Variants in AEBP2 observed in about 807,000 individuals in gnomAD.
AEBP2 encodes the protein zinc finger protein AEBP2.
In AEBP2, 10 loss-of-function variants were observed where a neutral mutation model predicts 50.8. The observed-to-expected ratio is 0.20, with a 90% CI of 0.12 to 0.33. The LOEUF is 0.33. Ranked by LOEUF, AEBP2 falls within the 10% of genes least tolerant of loss-of-function variation. AEBP2 has a pLI of 1.00. For missense variants in AEBP2, 570 were observed against 688.0 expected (o/e 0.83, Z 1.92); for synonymous variants, 296 against 261.3 (o/e 1.13, Z -1.28).
intron 5 of AEBP2, among the ~76,000 whole-genome samples, chr12:19,511,694 T>C (rs1343953278): frequency 6.6e-6 from 1 of 152,122 alleles, no homozygotes; most frequent in East Asian, 1.9e-4. Context: ...AGTTCCTAGA[T>C]CTTAGTGTTG....
chr12:19,451,660 G>A lies in AEBP2; in HGVS notation c.672-10850G>A, dbSNP rs76147754. On this transcript the variant is annotated intron_variant, in intron 1 of 7. Coordinates refer to ENST00000266508, the MANE Select transcript of AEBP2 (RefSeq NM_153207.5). ...GTATAATAAGAGGAGTTAAGGATGG[G>A]GTCTTTCAAAAGTGACCATCTTTTA... Among the ~76,000 whole-genome samples, 35 of 150,644 alleles carry A rather than the reference G, an allele frequency of 2.3e-4. No homozygotes were observed. The East Asian group carries it at 6.7e-3, about 29-fold the overall frequency.
At chr12:19,513,944 TC>T (rs1238187048) in intron 6 of AEBP2, among the ~76,000 whole-genome samples, 6 of 150,040 alleles carry the variant, frequency 4.0e-5, no homozygotes, top group Admixed American at 2.0e-4. Flanking sequence ...TTTATTTATT[TC>T]TTTTTTTTTT....
intron 3 of AEBP2, among the ~76,000 whole-genome samples, chr12:19,484,799 TGAAG>T (rs1948783751): frequency 6.6e-6 from 1 of 151,952 alleles, no homozygotes; most frequent in South Asian, 2.1e-4. Flanking sequence ...AAGAAAAAAA[TGAAG>T]GAGGTAGTAA....
At chr12:19,435,231 G>C (rs1026452993), upstream of AEBP2, among the ~76,000 whole-genome samples, 1 of 150,138 alleles carries the variant, frequency 6.7e-6, no homozygotes, top group African/African-American at 2.5e-5. Flanking sequence ...AGGCTCAGGT[G>C]ATCCTCCCAC....
At chr12:19,469,428 A>G (rs1948538113) in intron 2 of AEBP2, among the ~76,000 whole-genome samples, 1 of 152,180 alleles carries the variant, frequency 6.6e-6, no homozygotes, top group Admixed American at 6.6e-5. Context: ...TGCTCAGAGT[A>G]TTTCTGATGA....
upstream of AEBP2, among the ~76,000 whole-genome samples, chr12:19,436,941 G>A (rs1947866735): frequency 6.6e-6 from 1 of 152,112 alleles, no homozygotes; most frequent in South Asian, 2.1e-4. Flanking sequence ...TGGAAAGCCT[G>A]AGAAGCAAAG....
At chr12:19,451,257 T>A (rs771517279) in intron 1 of AEBP2, among the ~76,000 whole-genome samples, 8 of 152,170 alleles carry the variant, frequency 5.3e-5, no homozygotes, top group Non-Finnish European at 1.2e-4. Flanking sequence ...TGGTATCAGC[T>A]CGTGGAAGCA....
upstream of AEBP2, among the ~76,000 whole-genome samples, chr12:19,437,989 T>C (rs1319068303): frequency 6.6e-6 from 1 of 152,238 alleles, no homozygotes; most frequent in East Asian, 1.9e-4. Context: ...CCTGAAAATG[T>C]GTCCTTGGGT....
At chr12:19,510,064 C>T (rs576878296) in intron 5 of AEBP2, among the ~76,000 whole-genome samples, 21 of 152,156 alleles carry the variant, frequency 1.4e-4, no homozygotes, top group Admixed American at 3.9e-4. Context: ...AACTTCTAAC[C>T]TCAAGTGTTC....
intron 2 of AEBP2, among the ~76,000 whole-genome samples, chr12:19,468,333 T>C (rs1177868784): frequency 6.6e-6 from 1 of 152,184 alleles, no homozygotes; most frequent in Non-Finnish European, 1.5e-5. Context: ...TCTTTTCTTT[T>C]TGTGTAATTT....
intron 1 of AEBP2, among the ~76,000 whole-genome samples, chr12:19,412,876 C>A (rs1024322015): frequency 6.6e-6 from 1 of 152,160 alleles, no homozygotes; most frequent in African/African-American, 2.4e-5. Flanking sequence ...GGTGCCTCCC[C>A]GGGGGCCCGG....
chr12:19,478,252 A>G (rs1298711018), intron 3 of AEBP2, among the ~76,000 whole-genome samples: 1 of 151,774 alleles, frequency 6.6e-6, no homozygotes, highest in Non-Finnish European at 1.5e-5. Context: ...TTGTTTCTCT[A>G]GTTCCTTGAG....
upstream of AEBP2, among the ~76,000 whole-genome samples, chr12:19,436,730 A>G (rs1024955726): frequency 6.6e-6 from 1 of 151,746 alleles, no homozygotes; most frequent in Admixed American, 6.6e-5. Flanking sequence ...AGCTGGGACT[A>G]CAGGTGCACA....
At chr12:19,503,635 A>G (rs1458470516) in intron 5 of AEBP2, among the ~76,000 whole-genome samples, 1 of 150,038 alleles carries the variant, frequency 6.7e-6, no homozygotes, top group Non-Finnish European at 1.5e-5. Context: ...TAGGACTTCC[A>G]GTACTGTGTT....
At chr12:19,448,327 TC>T (rs1452450077) in intron 1 of AEBP2, among the ~76,000 whole-genome samples, 1 of 152,102 alleles carries the variant, frequency 6.6e-6, no homozygotes, top group Non-Finnish European at 1.5e-5. Context: ...GTGGCTCACA[TC>T]CGTAGTAAAA....
intron 2 of AEBP2, among the ~76,000 whole-genome samples, chr12:19,472,938 C>A (rs1296334480): frequency 6.6e-6 from 1 of 151,826 alleles, no homozygotes; most frequent in Non-Finnish European, 1.5e-5. Flanking sequence ...GCAGTAAATA[C>A]AAAAATGTAA....
At chr12:19,414,554 G>T (rs2095741185) in intron 1 of AEBP2, among the ~76,000 whole-genome samples, 1 of 152,236 alleles carries the variant, frequency 6.6e-6, no homozygotes, top group East Asian at 1.9e-4. Flanking sequence ...TCTCAACATG[G>T]GACAAGTGCA....
In AEBP2 at chr12:19,483,659, T is replaced by C. The variant is rs143585854; in HGVS notation, c.988-10141T>C. Among the ~76,000 whole-genome samples the C allele has an allele frequency of 2.8e-3, 428 of 152,302 alleles. 2 individuals are homozygous for C. Among genetic ancestry groups the C allele is most frequent in the Non-Finnish European group, 3.4e-3 (230 of 68,028 alleles). ...CTTGCTTTTTGAATATACTTTATGC[T>C]GGGATCTTTTCATATCAGTTCATAG... On this transcript the variant is annotated intron_variant, in intron 3 of 7. Transcript: ENST00000266508.
At chr12:19,465,336 G>A (rs1026163021) in intron 2 of AEBP2, among the ~76,000 whole-genome samples, 1 of 152,072 alleles carries the variant, frequency 6.6e-6, no homozygotes, top group Non-Finnish European at 1.5e-5. Flanking sequence ...GGAGGTTGCA[G>A]TGAGCTGAGA....
Sources: gnomAD v4.1 joint callset for allele counts (sites outside exome capture counted in the v4.1 genomes callset) on GRCh38, gnomAD v4.1.1 for gene constraint, MANE v1.5 for transcripts, NCBI Gene and HGNC (gene_info 2026-07-23, HGNC 2026-07-21) for gene names.